KCNIP4: variants seen among roughly 807,000 people sequenced by gnomAD.
KCNIP4 encodes the protein potassium voltage-gated channel interacting protein 4, also known as Kv channel-interacting protein 4.
Under a neutral mutation model 34.0 loss-of-function variants are expected in KCNIP4, and 12 were observed. The observed-to-expected ratio is 0.35, with a 90% CI of 0.23 to 0.57. KCNIP4 has a LOEUF of 0.57. Among genes scored for constraint, KCNIP4 ranks in the 20% least tolerant of loss-of-function variants. KCNIP4 has a pLI of 0.83. For synonymous variants in KCNIP4, 124 were observed against 102.2 expected, an observed-to-expected ratio of 1.21 and a Z score of -1.29; for missense variants, 238 against 311.7, an observed-to-expected ratio of 0.76 and a Z score of 1.78.
At chr4:21,697,765 A>C in intron 1 of KCNIP4, 5 of 781,004 alleles carry the variant, frequency 6.4e-6, no homozygotes, top group Non-Finnish European at 8.1e-6. Flanking sequence ...TCCCCTCTCC[A>C]GAAGCAGTTG....
intron 1 of KCNIP4, among the ~76,000 whole-genome samples, chr4:21,708,465 C>T (rs982581276): frequency 3.3e-5 from 5 of 152,046 alleles, no homozygotes; most frequent in African/African-American, 1.2e-4. Flanking sequence ...AAAACACAGA[C>T]TTTTGATAAT....
At chr4:21,730,870 C>T (rs769336891) in intron 1 of KCNIP4, among the ~76,000 whole-genome samples, 5 of 151,944 alleles carry the variant, frequency 3.3e-5, no homozygotes, top group Admixed American at 6.6e-5. Context: ...TCCAGCACTT[C>T]GGGAGGCCAA....
chr4:21,697,219 A>G, intron 1 of KCNIP4: 2 of 1,245,684 alleles, frequency 1.6e-6, no homozygotes, highest in Admixed American at 8.1e-5. Flanking sequence ...CAGCAAATAC[A>G]GTTGCATTTT....
At chr4:21,661,124 G>A (rs879757542) in intron 1 of KCNIP4, among the ~76,000 whole-genome samples, 1 of 152,082 alleles carries the variant, frequency 6.6e-6, no homozygotes, top group Non-Finnish European at 1.5e-5. Flanking sequence ...CTTCTGGGAC[G>A]ACAGGCAAGG....
chr4:21,928,127 T>C (rs9999530), intron 1 of KCNIP4, among the ~76,000 whole-genome samples: 71,600 of 144,076 alleles, frequency 0.5, 19,784 homozygotes, highest in African/African-American at 0.75. Context: ...TATATATATA[T>C]ACACACACAC....
chr4:20,900,047 G>T (rs1393040131), intron 1 of KCNIP4, among the ~76,000 whole-genome samples: 1 of 152,158 alleles, frequency 6.6e-6, no homozygotes, highest in African/African-American at 2.4e-5. Flanking sequence ...GAGACAGGGT[G>T]AACTTGTTAG....
At chr4:20,949,481 C>A (rs1732542344) in intron 1 of KCNIP4, among the ~76,000 whole-genome samples, 1 of 152,036 alleles carries the variant, frequency 6.6e-6, no homozygotes, top group South Asian at 2.1e-4. Context: ...CTAGAAATAC[C>A]ATTTGACCCA....
intron 1 of KCNIP4, among the ~76,000 whole-genome samples, chr4:21,392,144 T>C (rs991591201): frequency 1.3e-5 from 2 of 152,232 alleles, no homozygotes; most frequent in Admixed American, 1.3e-4. Flanking sequence ...AAGGGAACTC[T>C]GGCAATAAAC....
intron 1 of KCNIP4, among the ~76,000 whole-genome samples, chr4:21,746,349 C>A (rs923772726): frequency 6.6e-6 from 1 of 151,986 alleles, no homozygotes; most frequent in African/African-American, 2.4e-5. Context: ...ATTACATTTG[C>A]TAATAAGTAA....
At chr4:21,648,163 G>A (rs144294104) in intron 1 of KCNIP4, among the ~76,000 whole-genome samples, 30 of 151,976 alleles carry the variant, frequency 2.0e-4, no homozygotes, top group Admixed American at 7.2e-4. Flanking sequence ...GTGAGCCACC[G>A]CGCCTGGCCT....
intron 1 of KCNIP4, among the ~76,000 whole-genome samples, chr4:20,987,885 C>T (rs933514903): frequency 2.7e-5 from 4 of 150,298 alleles, no homozygotes; most frequent in Non-Finnish European, 3.0e-5. Context: ...CCTGTAGTCC[C>T]AGCTATTCGG....
At chr4:21,029,168 A>G (rs1320162043) in intron 1 of KCNIP4, among the ~76,000 whole-genome samples, 1 of 152,226 alleles carries the variant, frequency 6.6e-6, no homozygotes, top group East Asian at 1.9e-4. Context: ...AAATCAATCT[A>G]TGAGATCACC....
At chr4:21,445,163 C>A (rs897823736) in intron 1 of KCNIP4, among the ~76,000 whole-genome samples, 1 of 152,080 alleles carries the variant, frequency 6.6e-6, no homozygotes, top group Non-Finnish European at 1.5e-5. Context: ...TGCTCATGGG[C>A]AGGAAGAATC....
intron 1 of KCNIP4, among the ~76,000 whole-genome samples, chr4:20,978,956 A>C (rs1735755179): frequency 6.6e-6 from 1 of 152,164 alleles, no homozygotes; most frequent in Non-Finnish European, 1.5e-5. Flanking sequence ...AAGTACTGGT[A>C]ATTATTAAAG....
intron 1 of KCNIP4, among the ~76,000 whole-genome samples, chr4:21,671,654 A>AG (rs1749508801): frequency 6.6e-6 from 1 of 152,132 alleles, no homozygotes; most frequent in Non-Finnish European, 1.5e-5. Flanking sequence ...TGATTGATTG[A>AG]TGGAGCCCCT....
intron 1 of KCNIP4, among the ~76,000 whole-genome samples, chr4:21,504,480 AAAG>A (rs1733654395): frequency 2.0e-5 from 2 of 98,118 alleles, no homozygotes; most frequent in African/African-American, 1.1e-4. Context: ...AAAAAAAAAG[AAAG>A]AAAGAAAGAA....
chr4:20,782,143 T>A (rs1756933291), intron 3 of KCNIP4, among the ~76,000 whole-genome samples: 1 of 152,150 alleles, frequency 6.6e-6, no homozygotes, highest in Admixed American at 6.5e-5. Flanking sequence ...AAGAGGTGGG[T>A]TTCCATGGTC....
chr4:21,127,102 T>C (rs1446260486), intron 1 of KCNIP4, among the ~76,000 whole-genome samples: 1 of 152,180 alleles, frequency 6.6e-6, no homozygotes, highest in Non-Finnish European at 1.5e-5. Flanking sequence ...ATTTGGATTT[T>C]CATGAGGCCA....
intron 1 of KCNIP4, among the ~76,000 whole-genome samples, chr4:21,153,229 G>A (rs1474550719): frequency 1.3e-5 from 2 of 152,016 alleles, no homozygotes; most frequent in African/African-American, 4.8e-5. Context: ...TCCTTCCGTA[G>A]GAGTTGCACC....
Sources: gnomAD v4.1 joint callset for allele counts (sites outside exome capture counted in the v4.1 genomes callset) on GRCh38, gnomAD v4.1.1 for gene constraint, MANE v1.5 for transcripts, NCBI Gene and HGNC (gene_info 2026-07-23, HGNC 2026-07-21) for gene names.